Variants in VIPR2 observed in about 807,000 individuals in gnomAD.
VIPR2 encodes the protein vasoactive intestinal peptide receptor 2.
A neutral mutation model predicts 58.0 loss-of-function variants in VIPR2; 48 were observed. The observed-to-expected ratio is 0.83, with a 90% confidence interval of 0.66 to 1.05. VIPR2 has a LOEUF of 1.05. VIPR2 is among the 50% of genes least tolerant of loss of function. VIPR2 has a pLI of 0.00. For missense variants in VIPR2, 534 were observed against 558.0 expected, an observed-to-expected ratio of 0.96 and a Z score of 0.43; for synonymous variants, 243 against 235.2, an observed-to-expected ratio of 1.03 and a Z score of -0.30.
intron 4 of VIPR2, among the ~76,000 whole-genome samples, chr7:159,089,726 C>T (rs1282506736): frequency 6.6e-6 from 1 of 152,054 alleles, no homozygotes; most frequent in Admixed American, 6.5e-5. Flanking sequence ...CAGCAAAAAC[C>T]TGTCCCAATG....
chr7:159,113,550 G>T (rs1487477229), intron 2 of VIPR2, among the ~76,000 whole-genome samples: 2 of 152,264 alleles, frequency 1.3e-5, no homozygotes, highest in East Asian at 3.9e-4. Context: ...AGAAAAAATG[G>T]AACCCTGAGA....
intron 4 of VIPR2, among the ~76,000 whole-genome samples, chr7:159,062,204 G>GT (rs964043396): frequency 1.3e-5 from 2 of 152,220 alleles, no homozygotes; most frequent in Non-Finnish European, 2.9e-5. Flanking sequence ...ACCCCGAAGG[G>GT]TTCAGCCTGA....
At chr7:159,035,128 C>T (rs1334282814) in intron 8 of VIPR2, among the ~76,000 whole-genome samples, 3 of 152,218 alleles carry the variant, frequency 2.0e-5, no homozygotes, top group Non-Finnish European at 4.4e-5. Flanking sequence ...GAAGCTGTGA[C>T]CCCTGGCTTG....
At chr7:159,063,652 C>T (rs534715452) in intron 4 of VIPR2, among the ~76,000 whole-genome samples, 57 of 148,998 alleles carry the variant, frequency 3.8e-4, no homozygotes, top group Middle Eastern at 3.4e-3. Context: ...GCGCCAAGAG[C>T]GAGCGAGGGC....
At chr7:159,118,983 A>G (rs1013185208) in intron 2 of VIPR2, among the ~76,000 whole-genome samples, 2 of 152,256 alleles carry the variant, frequency 1.3e-5, no homozygotes, top group East Asian at 1.9e-4. Context: ...GGAAACTGCT[A>G]TAAACACCCA....
chr7:159,101,755 C>T (rs1252206333), intron 4 of VIPR2, among the ~76,000 whole-genome samples: 66 of 133,554 alleles, frequency 4.9e-4, no homozygotes, highest in Non-Finnish European at 7.4e-4. Flanking sequence ...TCCGACGAGG[C>T]GGTTCCGACT....
At chr7:159,046,046 T>C (rs1272210588) in intron 5 of VIPR2, among the ~76,000 whole-genome samples, 1 of 151,846 alleles carries the variant, frequency 6.6e-6, no homozygotes, top group Non-Finnish European at 1.5e-5. Context: ...GCAATAGTAA[T>C]AATAATAATA....
At chr7:159,133,263 C>T (rs1585563901) in intron 2 of VIPR2, among the ~76,000 whole-genome samples, 1 of 152,430 alleles carries the variant, frequency 6.6e-6, no homozygotes, top group Non-Finnish European at 1.5e-5. Context: ...CTCGTCAACA[C>T]ACCAGTGTCT....
intron 4 of VIPR2, 107 bp downstream of exon 4, chr7:159,103,650 G>T: frequency 1.2e-6 from 1 of 859,922 alleles, no homozygotes; most frequent in Non-Finnish European, 1.9e-6. Flanking sequence ...GTACTCAGAG[G>T]ATTATTTAGG....
chr7:159,089,751 C>G (rs917325062), intron 4 of VIPR2, among the ~76,000 whole-genome samples: 2 of 152,174 alleles, frequency 1.3e-5, no homozygotes, highest in Admixed American at 1.3e-4. Context: ...AAAAAGTGCA[C>G]GGGACCCTAA....
intron 2 of VIPR2, among the ~76,000 whole-genome samples, chr7:159,135,596 G>GTT (rs1482617604): frequency 4.6e-5 from 7 of 152,070 alleles, no homozygotes; most frequent in Non-Finnish European, 8.8e-5. Context: ...GCCAAGACGG[G>GTT]TGGATCACCT....
At chr7:159,034,558 A>G (rs1853801211) in intron 9 of VIPR2, 23 bp downstream of exon 9, 4 of 1,606,332 alleles carry the variant, frequency 2.5e-6, no homozygotes, top group South Asian at 2.2e-5. Context: ...CAGATAATCC[A>G]CATGTCAACA....
intron 2 of VIPR2, among the ~76,000 whole-genome samples, chr7:159,135,003 A>ATTT (rs1797144053): frequency 1.1e-5 from 1 of 89,134 alleles, no homozygotes. Context: ...TAATTACAAA[A>ATTT]GTTTTTTTTT....
chr7:159,031,940 G>T lies in VIPR2; in HGVS notation c.1099C>A (p.Gln367Lys). 1 of 1,614,140 alleles carries T rather than the reference G, an allele frequency of 6.2e-7. No individual in the cohort carries two copies. Among genetic ancestry groups the T allele is most frequent in the Non-Finnish European group, 8.5e-7 (1 of 1,180,042 alleles). Residue 367 changes from glutamine to lysine, a missense_variant and splice_region_variant, in exon 11 of 13, where the codon CAG becomes AAG. Coordinates refer to ENST00000262178, the MANE Select transcript of VIPR2 (RefSeq NM_003382.5). This position sits in a 1 kb window ranked among gnomAD's most constrained non-coding sequence, Gnocchi z 4.0. ...ILFELCLGSF[Q>K]GLVVAVLYCF... Reference sequence around the variant, plus strand: ...GGCGGCCGCCTCCGCACACCTACCTGGAACGACCCGAGGCACAGCTCAAAC... The same window carrying T: ...GGCGGCCGCCTCCGCACACCTACCTTGAACGACCCGAGGCACAGCTCAAAC...
intron 2 of VIPR2, 71 bp from the exon 3 acceptor site, chr7:159,109,990 G>A (rs1374038308): frequency 2.8e-6 from 4 of 1,449,818 alleles, no homozygotes; most frequent in Middle Eastern, 1.8e-4. Context: ...CCCCATTAAT[G>A]AGATAACTGC....
At chr7:159,126,597 G>A (rs996728508) in intron 2 of VIPR2, among the ~76,000 whole-genome samples, 1 of 152,176 alleles carries the variant, frequency 6.6e-6, no homozygotes, top group African/African-American at 2.4e-5. Flanking sequence ...GAGACAACAG[G>A]CGGAGGTGTG....
At chr7:159,102,965 C>T (rs1044079425) in intron 4 of VIPR2, among the ~76,000 whole-genome samples, 19 of 152,158 alleles carry the variant, frequency 1.2e-4, no homozygotes, top group African/African-American at 4.1e-4. Context: ...CCAGGGCTGC[C>T]GGCAAGGATG....
At chr7:159,136,713 AAGG>A (rs1442707573) in intron 2 of VIPR2, among the ~76,000 whole-genome samples, 2 of 152,204 alleles carry the variant, frequency 1.3e-5, no homozygotes, top group Non-Finnish European at 2.9e-5. Flanking sequence ...AGCCCAGGAA[AAGG>A]AGGAGGCCCC....
rs543580795 is a variant in VIPR2, at chr7:159,128,029, G to C, written c.151+14417C>G. Among the ~76,000 whole-genome samples, 3 of 152,062 alleles carry C rather than the reference G, an allele frequency of 2.0e-5. No homozygotes were observed. Among genetic ancestry groups the C allele is most frequent in the African/African-American group, 7.2e-5 (3 of 41,420 alleles). On this transcript the variant is annotated intron_variant, in intron 2 of 12. Coordinates refer to ENST00000262178, the MANE Select transcript of VIPR2 (RefSeq NM_003382.5). The surrounding 1 kb of genome is among the most constrained non-coding windows in gnomAD (Gnocchi z 4.1). Reference sequence around the variant, plus strand: ...ATCCACAGCGCCAGGACAAACCACCGCTCCCCCCACCTTGCAGCAGGGCCT... The same window carrying C: ...ATCCACAGCGCCAGGACAAACCACCCCTCCCCCCACCTTGCAGCAGGGCCT...
Sources: gnomAD v4.1 joint callset for allele counts (sites outside exome capture counted in the v4.1 genomes callset) on GRCh38, gnomAD v4.1.1 for gene constraint, Gnocchi (gnomAD v3.1) non-coding constraint, MANE v1.5 for transcripts, NCBI Gene and HGNC (gene_info 2026-07-23, HGNC 2026-07-21) for gene names.